The following WNK2 variants were observed in gnomAD, a reference collection of about 807,000 sequenced individuals.
WNK2 encodes serine/threonine-protein kinase WNK2.
A neutral mutation model predicts 192.1 loss-of-function variants in WNK2; 67 were observed. The ratio of observed to expected loss-of-function variants is 0.35; its 90% CI spans 0.29 to 0.43. The LOEUF (loss-of-function observed/expected upper bound fraction) is 0.43, where lower values mean the gene tolerates loss of function less well. WNK2 is among the 20% of genes least tolerant of loss of function. The pLI is 1.00. For synonymous variants in WNK2, 1,439 were observed against 1,393.9 expected, an observed-to-expected ratio of 1.03 and a Z score of -0.72; for missense variants, 2,698 against 3,089.7, an observed-to-expected ratio of 0.87 and a Z score of 3.01.
intron 2 of WNK2, among the ~76,000 whole-genome samples, chr9:93,205,198 A>G (rs1833136469): frequency 1.3e-5 from 2 of 152,062 alleles, no homozygotes; most frequent in African/African-American, 2.4e-5. Flanking sequence ...GTGACTGGGG[A>G]GGCTTGAGGA....
chr9:93,274,383 G>A lies in WNK2; in HGVS notation c.4033+5637G>A, dbSNP rs192175168. ...AAAAATTAGCTGGGCATGGTGGCGG[G>A]TGCCTGTAGTCCCAGCTACTCAGGA... On this transcript the variant is annotated intron_variant, in intron 19 of 29. Coordinates refer to ENST00000427277, the MANE Select transcript of WNK2 (RefSeq NM_006648.4). Among the ~76,000 whole-genome samples, 377 of 152,116 alleles carry A rather than the reference G, an allele frequency of 2.5e-3. 3 individuals are homozygous for A. The highest frequency in any genetic ancestry group is 3.9e-3 in the Non-Finnish European group (263 of 67,966).
intron 5 of WNK2, among the ~76,000 whole-genome samples, chr9:93,236,068 G>A (rs2132172894): frequency 6.6e-6 from 1 of 152,332 alleles, no homozygotes; most frequent in East Asian, 1.9e-4. Context: ...ACAGTTTTCC[G>A]TGGGTACTGG....
intron 2 of WNK2, among the ~76,000 whole-genome samples, chr9:93,206,149 C>T (rs1026834752): frequency 4.6e-5 from 7 of 152,232 alleles, no homozygotes; most frequent in Admixed American, 4.6e-4. Context: ...TCACTGATGT[C>T]TCCTGTCCTC....
At chr9:93,313,673 T>G (rs1854073538) in intron 28 of WNK2, among the ~76,000 whole-genome samples, 1 of 152,230 alleles carries the variant, frequency 6.6e-6, no homozygotes, top group South Asian at 2.1e-4. Context: ...CATATTCTTA[T>G]CAGCCGTCTT....
intron 2 of WNK2, among the ~76,000 whole-genome samples, chr9:93,221,294 A>G (rs994645497): frequency 1.3e-5 from 2 of 152,154 alleles, no homozygotes; most frequent in Non-Finnish European, 2.9e-5. Context: ...CCCCCATTGC[A>G]TGTGTTCAGT....
chr9:93,247,734 T>C lies in WNK2; in HGVS notation c.1734T>C (p.His578=). The change falls in exon 8 of 30, where the codon CAT becomes CAC. Residue 578 remains histidine (H), a synonymous_variant. Transcript: ENST00000427277. This position sits in a 1 kb window ranked among gnomAD's most constrained non-coding sequence, Gnocchi z 5.2. ...PVPLQVQVTY[H]AQAGQPGPPE... is the part of the protein sequence containing the mutation. ...CCCTGCAGGTCCAGGTGACCTACCA[T>C]GCACAGGCTGGGCAGCCCGGGCCAC... The C allele has an allele frequency of 7.1e-6, 11 of 1,556,642 alleles. No homozygotes were observed. Among genetic ancestry groups the C allele is most frequent in the Non-Finnish European group, 9.6e-6 (11 of 1,151,312 alleles).
chr9:93,264,563 C>A (rs1290758247), intron 16 of WNK2, among the ~76,000 whole-genome samples: 1 of 152,232 alleles, frequency 6.6e-6, no homozygotes, highest in Non-Finnish European at 1.5e-5. Flanking sequence ...ACCTGTGGTC[C>A]CCAGCACCTG....
intron 29 of WNK2, chr9:93,317,965 G>A (rs753286929): frequency 6.2e-7 from 1 of 1,612,532 alleles, no homozygotes; most frequent in South Asian, 1.1e-5. Flanking sequence ...TCAGCCGCGA[G>A]GGGGACAGCG....
intron 10 of WNK2, chr9:93,256,665 G>T (rs551734804): frequency 4.4e-5 from 30 of 682,744 alleles, no homozygotes; most frequent in Middle Eastern, 8.3e-4. Context: ...TTGTGTGCGT[G>T]CATAGTGTTC....
intron 2 of WNK2, among the ~76,000 whole-genome samples, chr9:93,213,274 G>A (rs1312611424): frequency 6.6e-6 from 1 of 152,102 alleles, no homozygotes; most frequent in Non-Finnish European, 1.5e-5. Context: ...AGGGGTGGTG[G>A]GCTCTGAGTT....
At chr9:93,304,364 G>A (rs772377131) in intron 26 of WNK2, among the ~76,000 whole-genome samples, 1 of 152,230 alleles carries the variant, frequency 6.6e-6, no homozygotes, top group Non-Finnish European at 1.5e-5. Flanking sequence ...CCCTCCTGTC[G>A]TCCTGTGTGC....
At chr9:93,279,437 A>T (rs1847395139) in intron 19 of WNK2, among the ~76,000 whole-genome samples, 1 of 152,254 alleles carries the variant, frequency 6.6e-6, no homozygotes, top group South Asian at 2.1e-4. Flanking sequence ...AAATTAAAGA[A>T]GATCCAAACA....
At chr9:93,214,956 C>T (rs1357442618) in intron 2 of WNK2, among the ~76,000 whole-genome samples, 1 of 151,622 alleles carries the variant, frequency 6.6e-6, no homozygotes, top group Non-Finnish European at 1.5e-5. Context: ...AATCATAGCT[C>T]ACTACAGCCT....
intron 15 of WNK2, 51 bp downstream of exon 15, chr9:93,263,785 GGGT>G: frequency 3.0e-6 from 1 of 333,578 alleles, no homozygotes; most frequent in Non-Finnish European, 5.8e-6. Flanking sequence ...GGCATGGTGG[GGGT>G]GTGGTGGGGG....
chr9:93,219,330 C>T (rs1836371090), intron 2 of WNK2, among the ~76,000 whole-genome samples: 2 of 152,254 alleles, frequency 1.3e-5, no homozygotes, highest in Non-Finnish European at 2.9e-5. Context: ...CTGGGTGATG[C>T]CCGGCTTGAG....
chr9:93,218,808 G>A (rs1836264168), intron 2 of WNK2, among the ~76,000 whole-genome samples: 1 of 152,186 alleles, frequency 6.6e-6, no homozygotes. Context: ...GCTTCCTGGG[G>A]TTTGGTTGTC....
At chr9:93,249,798 A>G (rs866810706) in intron 8 of WNK2, among the ~76,000 whole-genome samples, 2 of 151,430 alleles carry the variant, frequency 1.3e-5, no homozygotes, top group Non-Finnish European at 2.9e-5. Flanking sequence ...TTACTTGTTC[A>G]TTGCGGTTTC....
At chr9:93,246,009 C>T (rs1384587379) in intron 7 of WNK2, among the ~76,000 whole-genome samples, 2 of 152,120 alleles carry the variant, frequency 1.3e-5, no homozygotes, top group Non-Finnish European at 2.9e-5. Flanking sequence ...AGAGGAGAAA[C>T]GGAGGGAGAG....
intron 19 of WNK2, among the ~76,000 whole-genome samples, chr9:93,272,871 G>A (rs1381584924): frequency 6.6e-6 from 1 of 152,006 alleles, no homozygotes; most frequent in Non-Finnish European, 1.5e-5. Flanking sequence ...TAAGCATACT[G>A]ATAATTAACC....
Sources: gnomAD v4.1 joint callset for allele counts (sites outside exome capture counted in the v4.1 genomes callset) on GRCh38, gnomAD v4.1.1 for gene constraint, Gnocchi (gnomAD v3.1) non-coding constraint, MANE v1.5 for transcripts, NCBI Gene and HGNC (gene_info 2026-07-23, HGNC 2026-07-21) for gene names.